The following POU6F2 variants were observed in gnomAD, a reference collection of about 807,000 sequenced individuals.
POU6F2 encodes POU class 6 homeobox 2.
POU6F2 carries 31 observed loss-of-function variants against 71.3 expected under a neutral mutation model. The ratio of observed to expected loss-of-function variants is 0.43; its 90% CI spans 0.33 to 0.59. The LOEUF is 0.59. Ranked by LOEUF, POU6F2 falls within the 20% of genes least tolerant of loss-of-function variation. POU6F2 has a pLI of 0.04. For missense variants in POU6F2, 783 were observed against 856.8 expected (o/e 0.91, Z 1.07); for synonymous variants, 347 against 355.7 (o/e 0.98, Z 0.27).
intron 1 of POU6F2, among the ~76,000 whole-genome samples, chr7:39,027,029 C>T (rs955011553): frequency 1.3e-5 from 2 of 151,962 alleles, no homozygotes; most frequent in East Asian, 1.9e-4. Flanking sequence ...TCTATTTGAC[C>T]GTCCAACTTT....
intron 4 of POU6F2, among the ~76,000 whole-genome samples, chr7:39,274,069 A>G (rs1238174489): frequency 6.6e-6 from 1 of 152,156 alleles, no homozygotes; most frequent in Non-Finnish European, 1.5e-5. Flanking sequence ...TTCACCTTCA[A>G]ACTACTTACC....
intron 4 of POU6F2, among the ~76,000 whole-genome samples, chr7:39,217,922 A>T (rs976087878): frequency 6.6e-6 from 1 of 152,184 alleles, no homozygotes; most frequent in Non-Finnish European, 1.5e-5. Context: ...TATTTAAGAG[A>T]TACTGTCAAT....
intron 2 of POU6F2, among the ~76,000 whole-genome samples, chr7:39,158,705 G>A (rs1024404345): frequency 3.3e-5 from 5 of 152,064 alleles, no homozygotes; most frequent in African/African-American, 1.2e-4. Flanking sequence ...TTCTATTCAG[G>A]CCCCCACCAA....
At chr7:39,035,535 C>A (rs1790039725) in intron 1 of POU6F2, among the ~76,000 whole-genome samples, 1 of 152,128 alleles carries the variant, frequency 6.6e-6, no homozygotes. Flanking sequence ...ACAAAAGTAA[C>A]TGGCAGATTC....
intron 1 of POU6F2, among the ~76,000 whole-genome samples, chr7:39,079,257 C>T (rs1261677736): frequency 7.2e-6 from 1 of 138,464 alleles, no homozygotes; most frequent in African/African-American, 2.7e-5. Context: ...GGTGCGATCT[C>T]AGCTCACTGC....
At chr7:39,079,741 G>A (rs1791076903) in intron 1 of POU6F2, among the ~76,000 whole-genome samples, 1 of 152,202 alleles carries the variant, frequency 6.6e-6, no homozygotes, top group African/African-American at 2.4e-5. Context: ...GAGAGACACA[G>A]AGAAAGAGAT....
intron 1 of POU6F2, among the ~76,000 whole-genome samples, chr7:39,053,839 A>T (rs6948756): frequency 0.065 from 9,931 of 152,192 alleles, 601 homozygotes; most frequent in African/African-American, 0.15. Context: ...ACGGTGGCTT[A>T]TGGATGTAAT....
intron 5 of POU6F2, among the ~76,000 whole-genome samples, chr7:39,347,033 C>G (rs919237879): frequency 6.6e-6 from 1 of 152,178 alleles, no homozygotes; most frequent in Non-Finnish European, 1.5e-5. Flanking sequence ...TTTGAATGCT[C>G]GCTGTGCTGG....
intron 6 of POU6F2, among the ~76,000 whole-genome samples, chr7:39,426,186 GGA>G (rs1198266304): frequency 6.6e-6 from 1 of 152,192 alleles, no homozygotes; most frequent in Non-Finnish European, 1.5e-5. Context: ...GGTGAGGAAA[GGA>G]GAGACCAGCG....
intron 2 of POU6F2, among the ~76,000 whole-genome samples, chr7:39,200,290 G>A (rs993835727): frequency 1.3e-5 from 2 of 152,176 alleles, no homozygotes; most frequent in South Asian, 2.1e-4. Context: ...CGTGAGCTAC[G>A]CTTTAGATGC....
intron 8 of POU6F2, among the ~76,000 whole-genome samples, chr7:39,453,776 A>G (rs545483489): frequency 6.6e-6 from 1 of 152,214 alleles, no homozygotes; most frequent in Non-Finnish European, 1.5e-5. Context: ...TGAGTGAACC[A>G]TATTACATAT....
At chr7:39,389,152 C>G (rs1787013781) in intron 5 of POU6F2, among the ~76,000 whole-genome samples, 1 of 152,048 alleles carries the variant, frequency 6.6e-6, no homozygotes, top group Non-Finnish European at 1.5e-5. Context: ...TACAGCAAGC[C>G]CCCGTGCCAT....
At chr7:39,422,458 G>T (rs1274595439) in intron 6 of POU6F2, among the ~76,000 whole-genome samples, 2 of 152,110 alleles carry the variant, frequency 1.3e-5, no homozygotes, top group Non-Finnish European at 2.9e-5. Context: ...AAATAACTGT[G>T]GGTGGAAATG....
chr7:39,124,191 C>A (rs1384151321), intron 2 of POU6F2, among the ~76,000 whole-genome samples: 1 of 151,964 alleles, frequency 6.6e-6, no homozygotes, highest in African/African-American at 2.4e-5. Context: ...GGATTACAGG[C>A]GTGCACCACC....
chr7:39,213,327 G>A (rs535371130), intron 4 of POU6F2, among the ~76,000 whole-genome samples: 2 of 152,302 alleles, frequency 1.3e-5, no homozygotes, highest in South Asian at 4.1e-4. Context: ...GGATGCTGAA[G>A]TACCTGGGAA....
At chr7:39,091,193 A>G (rs1012341775) in intron 2 of POU6F2, among the ~76,000 whole-genome samples, 2 of 152,218 alleles carry the variant, frequency 1.3e-5, no homozygotes, top group Non-Finnish European at 2.9e-5. Context: ...CTGGTGTTCA[A>G]ACTTTTCACC....
At chr7:39,140,891 G>A (rs1792484460) in intron 2 of POU6F2, among the ~76,000 whole-genome samples, 1 of 152,136 alleles carries the variant, frequency 6.6e-6, no homozygotes, top group Non-Finnish European at 1.5e-5. Context: ...CTGTGGAGGT[G>A]GGCTCGAGGG....
intron 1 of POU6F2, among the ~76,000 whole-genome samples, chr7:39,018,740 A>G (rs544948830): frequency 7.5e-4 from 114 of 152,332 alleles, no homozygotes; most frequent in African/African-American, 2.6e-3. Flanking sequence ...AGGTTAAGAC[A>G]TATAACCTTG....
intron 6 of POU6F2, among the ~76,000 whole-genome samples, chr7:39,420,649 AT>A (rs1191904163): frequency 3.3e-5 from 5 of 152,188 alleles, no homozygotes; most frequent in Non-Finnish European, 5.9e-5. Flanking sequence ...ATTTTTTTAA[AT>A]TCTGAGTTAT....
Sources: allele counts gnomAD v4.1 joint callset (sites outside exome capture counted in the v4.1 genomes callset), GRCh38; gene constraint gnomAD v4.1.1; transcripts MANE v1.5; gene names NCBI Gene and HGNC (gene_info 2026-07-23, HGNC 2026-07-21).